SULF2: variants seen among roughly 807,000 people sequenced by gnomAD.
SULF2 encodes sulfatase 2.
A neutral mutation model predicts 107.7 loss-of-function variants in SULF2; 52 were observed. The observed-to-expected ratio is 0.48, with a 90% confidence interval of 0.39 to 0.61. The LOEUF (loss-of-function observed/expected upper bound fraction) is 0.61, where lower values mean the gene tolerates loss of function less well. Ranked by LOEUF, SULF2 falls within the 20% of genes least tolerant of loss-of-function variation. The pLI is 0.00. For synonymous variants in SULF2, 460 were observed against 464.3 expected (o/e 0.99, Z 0.12); for missense variants, 993 against 1,177.3 (o/e 0.84, Z 2.29).
intron 3 of SULF2, among the ~76,000 whole-genome samples, chr20:47,734,417 AT>A (rs1356084450): frequency 2.0e-5 from 3 of 152,370 alleles, no homozygotes; most frequent in East Asian, 1.9e-4. Flanking sequence ...AAAGGAAAAA[AT>A]AATCTAAAAG....
chr20:47,761,554 G>A (rs2090419946), intron 1 of SULF2, among the ~76,000 whole-genome samples: 1 of 152,226 alleles, frequency 6.6e-6, no homozygotes, highest in Admixed American at 6.5e-5. Context: ...AAAAGTCAAA[G>A]AAAGCTGAAT....
rs201639507 is a variant in SULF2 at position 47,763,585 on chromosome 20, A to C, written c.-100-6122T>G. ...AAATGTCCATGAAAGGCGGGAAGAA[A>C]GCAAACTGTGGGTGTGCAGATACGT... On this transcript the variant is annotated intron_variant, in intron 1 of 20. Coordinates refer to ENST00000688720, the MANE Select transcript of SULF2 (RefSeq NM_001387048.1). Among the ~76,000 whole-genome samples the C allele has an allele frequency of 5.1e-4, 77 of 152,282 alleles. No individual in the cohort carries two copies. The East Asian group carries it at 0.012, about 24-fold the overall frequency.
Position 47,669,229 on chromosome 20 carries a change from G to A in SULF2, c.1577-2741C>T, listed in dbSNP as rs112522921. Among the ~76,000 whole-genome samples, 245 of 152,218 alleles carry A rather than the reference G, an allele frequency of 1.6e-3. 2 individuals carry two copies. The highest frequency in any genetic ancestry group is 5.5e-3 in the African/African-American group (229 of 41,548). On this transcript the variant is annotated intron_variant, in intron 11 of 20. Transcript: ENST00000688720. ...AGCTGGGCCCATCCCCCGAGTCCTC[G>A]TCCCCTTCTCCTGTTCCTGGGTCCC...
intron 3 of SULF2, among the ~76,000 whole-genome samples, chr20:47,735,931 T>A (rs1165269003): frequency 6.6e-6 from 1 of 152,092 alleles, no homozygotes; most frequent in East Asian, 1.9e-4. Flanking sequence ...CTTCCTGGGG[T>A]TGCAACATCT....
intron 2 of SULF2, among the ~76,000 whole-genome samples, chr20:47,751,008 TCC>T (rs1360539660): frequency 1.3e-5 from 2 of 152,182 alleles, no homozygotes; most frequent in African/African-American, 4.8e-5. Context: ...TGGCTTCCCC[TCC>T]TGGCTTTATT....
Position 47,676,617 on chromosome 20 carries a change from C to G in SULF2, c.1257G>C (p.Leu419=). The change falls in exon 10 of 21, where the codon CTG becomes CTC. Residue 419 remains leucine, a synonymous_variant. Transcript: ENST00000688720. The part of the protein sequence containing the change: ...RDSFLVERGK[L]LHKRDNDKVD... ...CCTTGTCATTGTCTCTCTTGTGTAGCAGCTTGCTATGGGGCAGAGAGCAGG... is the reference window on the plus strand; with the variant it reads ...CCTTGTCATTGTCTCTCTTGTGTAGGAGCTTGCTATGGGGCAGAGAGCAGG... The G allele has an allele frequency of 1.3e-6, 2 of 1,551,974 alleles. No individual in the cohort carries two copies.
intron 8 of SULF2, among the ~76,000 whole-genome samples, chr20:47,677,472 C>T (rs953663197): frequency 4.6e-5 from 7 of 152,030 alleles, no homozygotes; most frequent in African/African-American, 1.7e-4. Context: ...AGCCCAGCAA[C>T]TCCCCCGGCA....
chr20:47,684,608 T>C, intron 5 of SULF2, 27 bp from the exon 6 acceptor site: 2 of 1,608,154 alleles, frequency 1.2e-6, no homozygotes, highest in African/African-American at 1.3e-5. Flanking sequence ...TACACATCGG[T>C]CAAACCCAGG....
chr20:47,679,100 ACCC>A (rs1050588142), intron 7 of SULF2, among the ~76,000 whole-genome samples: 2 of 142,122 alleles, frequency 1.4e-5, no homozygotes, highest in Non-Finnish European at 3.0e-5. Context: ...AGTGAAGGCG[ACCC>A]CCCCTTTACA....
In SULF2 at chr20:47,678,792, G is replaced by T. The variant is rs758978210; in HGVS notation, c.1077C>A (p.Ile359=). The change falls in exon 8 of 21, where the codon ATC becomes ATA. Residue 359 remains isoleucine, a synonymous_variant. Transcript: ENST00000688720. This position sits in a 1 kb window ranked among gnomAD's most constrained non-coding sequence, Gnocchi z 4.5. ...NVEAGCLNPH[I]VLNIDLAPTI... ...TGGGGGCCAGGTCAATGTTGAGGAC[G>T]ATGTGGGGATTCCTGGGGGAGGCAG... The T allele has an allele frequency of 1.9e-6, 3 of 1,613,242 alleles. No homozygotes were observed. The Admixed American group carries it at 5.0e-5, about 27-fold the overall frequency.
At chr20:47,761,600 G>T (rs2090420806) in intron 1 of SULF2, among the ~76,000 whole-genome samples, 2 of 152,320 alleles carry the variant, frequency 1.3e-5, no homozygotes, top group South Asian at 4.1e-4. Flanking sequence ...CCCAGGCTTC[G>T]CGTGCCCTCG....
intron 2 of SULF2, among the ~76,000 whole-genome samples, chr20:47,748,098 T>C (rs901945526): frequency 1.3e-5 from 2 of 152,170 alleles, no homozygotes; most frequent in African/African-American, 4.8e-5. Flanking sequence ...TCTGGGGACC[T>C]TCCATCGGGC....
chr20:47,705,035 T>G (rs934064389), intron 3 of SULF2, among the ~76,000 whole-genome samples: 10 of 152,184 alleles, frequency 6.6e-5, no homozygotes, highest in African/African-American at 2.4e-4. Context: ...GCTGACACTT[T>G]CCAGGAGTGG....
Position 47,683,185 on chromosome 20 carries a change from G to A in SULF2, c.889-16C>T. On this transcript the variant is annotated splice_polypyrimidine_tract_variant and intron_variant, in intron 6 of 20. Transcript: ENST00000688720. ...TGTTGTAAATCTGCAACACGGGCGAGGAGGCAAGGGACAGTGGGGACTGGG... is the reference window on the plus strand; with the variant it reads ...TGTTGTAAATCTGCAACACGGGCGAAGAGGCAAGGGACAGTGGGGACTGGG... 6.3e-7 allele frequency: 1 copy of A among 1,580,494 alleles called. No homozygotes were observed. The highest frequency in any genetic ancestry group is 8.6e-7 in the Non-Finnish European group (1 of 1,156,602).
At position 47,659,503 on chromosome 20, in the gene SULF2, G is replaced by A. The variant is rs764094611; in HGVS notation, c.2529-51C>T. 21 of 1,589,160 alleles carry A rather than the reference G, an allele frequency of 1.3e-5. No individual in the cohort carries two copies. In the South Asian group the frequency reaches 2.2e-4, roughly 17 times the overall value. The stretch of plus-strand genomic sequence containing the variant: ...ATGAATGTTAACCATCACCAAGAAA[G>A]AAAAAGTCCCCAAAGAACTATACAA... On this transcript the variant is annotated intron_variant, in intron 19 of 20. Coordinates refer to ENST00000688720, the MANE Select transcript of SULF2 (RefSeq NM_001387048.1).
Position 47,736,686 on chromosome 20 carries a change from C to A in SULF2, c.415+17G>T. The A allele has an allele frequency of 1.2e-6, 2 of 1,613,950 alleles. No individual in the cohort carries two copies. Among genetic ancestry groups the A allele is most frequent in the Non-Finnish European group, 1.7e-6 (2 of 1,179,918 alleles). On this transcript the variant is annotated intron_variant, in intron 3 of 20. Coordinates refer to ENST00000688720, the MANE Select transcript of SULF2 (RefSeq NM_001387048.1). ...GGCTGTCACTCCCTTCCTGCACCTG[C>A]CCCCGTCCCTGCTCACCTGTCCGGT...
At chr20:47,714,274 T>G (rs2089033363) in intron 3 of SULF2, among the ~76,000 whole-genome samples, 1 of 152,246 alleles carries the variant, frequency 6.6e-6, no homozygotes, top group Admixed American at 6.5e-5. Flanking sequence ...GCATACTTAG[T>G]AATTTCCTTC....
At position 47,706,253 on chromosome 20, in the gene SULF2, AC is replaced by A. The variant is rs563155377; in HGVS notation, c.416-3584del. On this transcript the variant is annotated intron_variant, in intron 3 of 20. Transcript: ENST00000688720. ...AGATTTCCTAAACCTTGTGACCTTG[AC>A]CCCCACCTCTAACGCTGCCCTCCAT... 5.9e-5 allele frequency among the ~76,000 whole-genome samples: 9 copies of A among 151,860 alleles called. No homozygotes were observed. The South Asian group carries it at 6.3e-4, about 11-fold the overall frequency.
At chr20:47,767,325 C>T (rs2090546129) in intron 1 of SULF2, among the ~76,000 whole-genome samples, 1 of 152,210 alleles carries the variant, frequency 6.6e-6, no homozygotes, top group Admixed American at 6.5e-5. Flanking sequence ...AGGATTATCT[C>T]CTTTCTATAA....
Sources: gnomAD v4.1 joint callset for allele counts (sites outside exome capture counted in the v4.1 genomes callset) on GRCh38, gnomAD v4.1.1 for gene constraint, Gnocchi (gnomAD v3.1) non-coding constraint, MANE v1.5 for transcripts, NCBI Gene and HGNC (gene_info 2026-07-23, HGNC 2026-07-21) for gene names.